RNF185: variants seen among roughly 807,000 people sequenced by gnomAD.
RNF185 encodes ring finger protein 185, also known as E3 ubiquitin-protein ligase RNF185.
RNF185 carries 13 observed loss-of-function variants against 24.9 expected under a neutral mutation model. The observed-to-expected ratio is 0.52, with a 90% CI of 0.34 to 0.83. The LOEUF is 0.83. Among genes scored for constraint, RNF185 ranks in the 40% least tolerant of loss-of-function variants. The probability of loss-of-function intolerance (pLI) is 0.01; values close to 1 mark genes in which losing one functional copy is unlikely to be tolerated. For synonymous variants in RNF185, 79 were observed against 90.3 expected (o/e 0.88, Z 0.71); for missense variants, 184 against 244.7 (o/e 0.75, Z 1.65).
At chr22:31,198,923 T>C (rs2048235470) in intron 5 of RNF185, among the ~76,000 whole-genome samples, 1 of 150,316 alleles carries the variant, frequency 6.7e-6, no homozygotes, top group Non-Finnish European at 1.5e-5. Context: ...GGTGAAACCC[T>C]GTCTCTGCTT....
At chr22:31,163,742 C>T (rs1360108527) in intron 1 of RNF185, among the ~76,000 whole-genome samples, 4 of 151,352 alleles carry the variant, frequency 2.6e-5, no homozygotes, top group East Asian at 1.9e-4. Flanking sequence ...GGCGCAATCT[C>T]GGCTCACTGT....
chr22:31,191,782 A>C (rs1405984223), intron 2 of RNF185, among the ~76,000 whole-genome samples: 2 of 143,666 alleles, frequency 1.4e-5, no homozygotes. Flanking sequence ...CAGTGAGCTG[A>C]GTGAGCTGCA....
At chr22:31,201,724 T>C (rs1250738906) in intron 6 of RNF185, 109 bp downstream of exon 6, 1 of 767,084 alleles carries the variant, frequency 1.3e-6, no homozygotes, top group Non-Finnish European at 2.2e-6. Context: ...ACTACATGGA[T>C]AATCAGCCTT....
intron 5 of RNF185, among the ~76,000 whole-genome samples, chr22:31,197,456 A>G (rs1015612080): frequency 6.6e-6 from 1 of 152,110 alleles, no homozygotes; most frequent in Non-Finnish European, 1.5e-5. Context: ...AGTTGTGTGG[A>G]TTTAACATAA....
chr22:31,201,306 GCT>G (rs1359334077), intron 5 of RNF185, among the ~76,000 whole-genome samples, 190 bp from the exon 6 acceptor site: 1 of 152,246 alleles, frequency 6.6e-6, no homozygotes, highest in Non-Finnish European at 1.5e-5. Flanking sequence ...AGGGCAGAGG[GCT>G]TGCCAGAGTT....
intron 1 of RNF185, among the ~76,000 whole-genome samples, chr22:31,176,836 C>T (rs970074970): frequency 5.9e-5 from 9 of 152,140 alleles, no homozygotes; most frequent in African/African-American, 1.2e-4. Flanking sequence ...GAAATTCCTA[C>T]GTAAGCAAAA....
intron 1 of RNF185, among the ~76,000 whole-genome samples, chr22:31,168,928 G>A (rs745862699): frequency 7.9e-5 from 12 of 151,760 alleles, no homozygotes; most frequent in Non-Finnish European, 1.3e-4. Flanking sequence ...TTTTTTTTGA[G>A]ACAGAGTCTC....
intron 1 of RNF185, among the ~76,000 whole-genome samples, chr22:31,172,748 CAAAAAAAAA>C (rs35573590): frequency 1.0e-5 from 1 of 97,714 alleles, no homozygotes; most frequent in Admixed American, 1.3e-4. Context: ...GACCCCGTCT[CAAAAAAAAA>C]AAAAAAAAAA....
chr22:31,195,531 C>G lies in RNF185; in HGVS notation c.258C>G (p.Asp86Glu), dbSNP rs757289381. 2 of 1,611,516 alleles carry G rather than the reference C, an allele frequency of 1.2e-6. No homozygotes were observed. Among genetic ancestry groups the G allele is most frequent in the African/African-American group, 1.3e-5 (1 of 74,844 alleles). Reference sequence around the variant, plus strand: ...TTTGCAAAGCTGGCATCAGCCGAGACAAGGTCATCCCCCTCTATGGAAGGG... The same window carrying G: ...TTTGCAAAGCTGGCATCAGCCGAGAGAAGGTCATCCCCCTCTATGGAAGGG... Reference protein sequence around the residue: ...CPVCKAGISRDKVIPLYGRGS... With the variant: ...CPVCKAGISREKVIPLYGRGS... The change falls in exon 4 of 7, where the codon GAC becomes GAG. Residue 86 changes from aspartate to glutamate, a missense_variant. By Grantham distance (45) the Asp-to-Glu change is conservative. Coordinates refer to ENST00000326132, the MANE Select transcript of RNF185 (RefSeq NM_152267.4).
At chr22:31,160,453 G>C (rs2147910575) in intron 1 of RNF185, 150 bp downstream of exon 1, 1 of 152,418 alleles carries the variant, frequency 6.6e-6, no homozygotes, top group East Asian at 1.9e-4. Flanking sequence ...TCCCCGAAAA[G>C]AGGACGAGCT....
In RNF185 at chr22:31,180,915, CTGTGTGTGTGTGTGTG is replaced by C. The variant is rs567264606; in HGVS notation, c.-48-6104_-48-6089del. ...TTTTCTAGGCATTTTCTCTCTCTCTCTGTGTGTGTGTGTGTGTGTGTGTGTGTGTGTGTGTGTGTGT... is the reference window on the plus strand; with the variant it reads ...TTTTCTAGGCATTTTCTCTCTCTCTCTGTGTGTGTGTGTGTGTGTGTGTGT... On this transcript the variant is annotated intron_variant, in intron 1 of 6. Coordinates refer to ENST00000326132, the MANE Select transcript of RNF185 (RefSeq NM_152267.4). Among the ~76,000 whole-genome samples, 39 of 96,884 alleles carry C rather than the reference CTGTGTGTGTGTGTGTG, an allele frequency of 4.0e-4. No homozygotes were observed. In the South Asian group the frequency reaches 0.013, roughly 33 times the overall value. 63.6% of individuals were successfully genotyped at this position (96,884 alleles called of 152,430 possible).
At chr22:31,202,926 T>C (rs2048277747) in intron 6 of RNF185, among the ~76,000 whole-genome samples, 1 of 152,214 alleles carries the variant, frequency 6.6e-6, no homozygotes, top group South Asian at 2.1e-4. Flanking sequence ...GGGGATGCCC[T>C]TTCTTACTTT....
At chr22:31,164,816 C>G (rs555787784) in intron 1 of RNF185, among the ~76,000 whole-genome samples, 13 of 152,154 alleles carry the variant, frequency 8.5e-5, no homozygotes, top group Non-Finnish European at 1.8e-4. Flanking sequence ...GAAGTCCCAA[C>G]CTCAGGTGAT....
intron 4 of RNF185, 28 bp downstream of exon 4, chr22:31,195,609 C>T (rs147796893): frequency 2.1e-6 from 3 of 1,405,884 alleles, no homozygotes; most frequent in East Asian, 4.8e-5. Flanking sequence ...CTCTCCCAAC[C>T]ACTTCTCCCC....
At chr22:31,184,147 C>T (rs892907856) in intron 1 of RNF185, among the ~76,000 whole-genome samples, 4 of 151,262 alleles carry the variant, frequency 2.6e-5, no homozygotes, top group Admixed American at 1.3e-4. Context: ...AGAGACGCTC[C>T]TCACTTCCCG....
At chr22:31,189,972 G>A (rs1468224278) in intron 2 of RNF185, among the ~76,000 whole-genome samples, 3 of 152,142 alleles carry the variant, frequency 2.0e-5, no homozygotes, top group Non-Finnish European at 4.4e-5. Context: ...CAGTCTGGAT[G>A]GTGCATCCCT....
intron 1 of RNF185, among the ~76,000 whole-genome samples, chr22:31,166,122 C>T (rs1487166367): frequency 3.9e-5 from 6 of 152,072 alleles, no homozygotes; most frequent in Non-Finnish European, 8.8e-5. Flanking sequence ...TCCTGAGTAG[C>T]TAGAATTACA....
At chr22:31,194,823 A>G (rs1169101175) in intron 3 of RNF185, among the ~76,000 whole-genome samples, 1 of 152,202 alleles carries the variant, frequency 6.6e-6, no homozygotes, top group Non-Finnish European at 1.5e-5. Flanking sequence ...AGTTTGCTGT[A>G]CTTACACCAG....
intron 1 of RNF185, among the ~76,000 whole-genome samples, chr22:31,183,960 G>A (rs1175155996): frequency 1.8e-5 from 1 of 55,422 alleles, no homozygotes; most frequent in Non-Finnish European, 3.4e-5. Flanking sequence ...CGGGGCAGCT[G>A]TCCAGGCGGG....
Sources: gnomAD v4.1 joint callset for allele counts (sites outside exome capture counted in the v4.1 genomes callset) on GRCh38, gnomAD v4.1.1 for gene constraint, MANE v1.5 for transcripts, NCBI Gene and HGNC (gene_info 2026-07-23, HGNC 2026-07-21) for gene names.